PGM2: variants seen among roughly 807,000 people sequenced by gnomAD.
The protein encoded by PGM2 is phosphopentomutase.
A neutral mutation model predicts 74.6 loss-of-function variants in PGM2; 57 were observed. The ratio of observed to expected loss-of-function variants is 0.76; its 90% CI spans 0.62 to 0.95. PGM2 has a LOEUF of 0.95. Among genes scored for constraint, PGM2 ranks in the 40% least tolerant of loss-of-function variants. PGM2 has a pLI of 0.00. For missense variants in PGM2, 706 were observed against 741.9 expected (o/e 0.95, Z 0.56); for synonymous variants, 273 against 260.7 (o/e 1.05, Z -0.46).
chr4:37,848,684 AAT>A, intron 11 of PGM2, 33 bp downstream of exon 11: 2 of 1,498,344 alleles, frequency 1.3e-6, no homozygotes, highest in Non-Finnish European at 1.8e-6. Flanking sequence ...GGATTGAAAT[AAT>A]ATTTTGAAAT....
chr4:37,854,146 G>T (rs1008061634), intron 12 of PGM2, among the ~76,000 whole-genome samples: 1 of 152,050 alleles, frequency 6.6e-6, no homozygotes, highest in Non-Finnish European at 1.5e-5. Context: ...TCTGACTTGT[G>T]CGATCGGTTG....
At chr4:37,847,955 A>C (rs1410629867) in intron 10 of PGM2, among the ~76,000 whole-genome samples, 1 of 152,272 alleles carries the variant, frequency 6.6e-6, no homozygotes, top group Non-Finnish European at 1.5e-5. Context: ...TAACTAATCA[A>C]AGCATAATCG....
At chr4:37,859,437 A>C (rs1322118164) in intron 13 of PGM2, among the ~76,000 whole-genome samples, 3 of 152,186 alleles carry the variant, frequency 2.0e-5, no homozygotes, top group Admixed American at 6.6e-5. Flanking sequence ...CAGGCTGTCC[A>C]GAAAGGGAGC....
At chr4:37,832,045 C>G (rs1725455792) in intron 2 of PGM2, among the ~76,000 whole-genome samples, 1 of 152,166 alleles carries the variant, frequency 6.6e-6, no homozygotes, top group African/African-American at 2.4e-5. Flanking sequence ...CTATCTTACC[C>G]ATTTTTATCC....
chr4:37,841,006 A>G (rs991390779), intron 6 of PGM2, among the ~76,000 whole-genome samples: 7 of 145,290 alleles, frequency 4.8e-5, no homozygotes, highest in Admixed American at 3.6e-4. Context: ...AACTTGCTCA[A>G]AAGTCTTGAA....
intron 12 of PGM2, among the ~76,000 whole-genome samples, chr4:37,854,805 A>G (rs556138849): frequency 1.3e-5 from 2 of 152,148 alleles, no homozygotes; most frequent in South Asian, 4.1e-4. Context: ...TTGTGAAATG[A>G]TGTGTTTAAA....
chr4:37,839,444 A>G (rs1333614598), intron 4 of PGM2: 17 of 402,896 alleles, frequency 4.2e-5, no homozygotes, highest in Non-Finnish European at 9.8e-6. Flanking sequence ...GTTTTCCTTA[A>G]AAGCAAATGA....
intron 13 of PGM2, among the ~76,000 whole-genome samples, chr4:37,860,932 T>G (rs1273971878): frequency 1.3e-5 from 2 of 152,166 alleles, no homozygotes; most frequent in Admixed American, 1.3e-4. Flanking sequence ...AGAAATAGAT[T>G]CATTATGATA....
chr4:37,861,882 A>C lies in PGM2; in HGVS notation c.*270A>C, dbSNP rs149601144. 1.3e-3 allele frequency: 416 copies of C among 322,112 alleles called. 1 individual carries two copies. The highest frequency in any genetic ancestry group is 2.1e-3 in the Non-Finnish European group (350 of 168,524). The allele number at this position is 322,112 out of a possible 1,614,324, so 20.0% of individuals were successfully genotyped here. ...AGATTTTTAAACTGACTAACTTAAAAAAATAGATTGTAATTGATGTGCCTT... is the reference window on the plus strand; with the variant it reads ...AGATTTTTAAACTGACTAACTTAAACAAATAGATTGTAATTGATGTGCCTT... On this transcript the variant is annotated 3_prime_UTR_variant, in exon 14 of 14. Coordinates refer to ENST00000381967, the MANE Select transcript of PGM2 (RefSeq NM_018290.4).
At chr4:37,842,510 A>G (rs897858650) in intron 6 of PGM2, among the ~76,000 whole-genome samples, 3 of 151,406 alleles carry the variant, frequency 2.0e-5, no homozygotes, top group Non-Finnish European at 4.4e-5. Context: ...TTTTTTCTAA[A>G]AGGTTTGCAG....
chr4:37,827,176 A>T (rs975363896), intron 1 of PGM2, among the ~76,000 whole-genome samples: 2 of 152,224 alleles, frequency 1.3e-5, no homozygotes, highest in African/African-American at 4.8e-5. Flanking sequence ...CGTCGTCGGT[A>T]GTCGGCTGTG....
rs757339483 is a variant in PGM2 at position 37,845,758 on chromosome 4, A to G, written c.1007+28A>G. ...AAAATTAATTGTGATTACCTATATT[A>G]TAGAACATATAAAGGATGATCTCTT... On this transcript the variant is annotated intron_variant, in intron 8 of 13. Coordinates refer to ENST00000381967, the MANE Select transcript of PGM2 (RefSeq NM_018290.4). 9 of 1,299,938 alleles carry G rather than the reference A, an allele frequency of 6.9e-6. No homozygotes were observed. The Admixed American group carries it at 1.5e-4, about 22-fold the overall frequency. The allele number at this position is 1,299,938 out of a possible 1,614,324, so 80.5% of individuals were successfully genotyped here.
At position 37,848,608 on chromosome 4, in the gene PGM2, A is replaced by C; in HGVS notation, c.1369A>C (p.Lys457Gln). 1 of 1,613,922 alleles carries C rather than the reference A, an allele frequency of 6.2e-7. No homozygotes were observed. The highest frequency in any genetic ancestry group is 8.5e-7 in the Non-Finnish European group (1 of 1,179,770). Reference protein sequence around the residue: ...SAELASFLATKNLSLSQQLKA... With the variant: ...SAELASFLATQNLSLSQQLKA... ...AGAGTTGGCTAGCTTCCTAGCAACC[A>C]AGAATTTGTCTTTGTCTCAGCAACT... The change falls in exon 11 of 14, where the codon AAG (lysine) becomes CAG (glutamine). Residue 457 changes from lysine to glutamine, a missense_variant. By Grantham distance (53) the Lys-to-Gln change is moderately conservative. Coordinates refer to ENST00000381967, the MANE Select transcript of PGM2 (RefSeq NM_018290.4).
chr4:37,844,740 G>C (rs1226695908), intron 7 of PGM2, among the ~76,000 whole-genome samples, 187 bp downstream of exon 7: 3 of 152,144 alleles, frequency 2.0e-5, no homozygotes, highest in Admixed American at 6.5e-5. Context: ...GACCAAGGCA[G>C]GCAGATCACT....
chr4:37,841,072 GTATATATATATA>G (rs36127170), intron 6 of PGM2, among the ~76,000 whole-genome samples: 17 of 113,802 alleles, frequency 1.5e-4, no homozygotes, highest in South Asian at 6.6e-4. Flanking sequence ...ATATGCAAGC[GTATATATATATA>G]TATATATATA....
intron 1 of PGM2, among the ~76,000 whole-genome samples, chr4:37,827,453 T>C (rs147065993): frequency 3.2e-4 from 48 of 152,098 alleles, no homozygotes; most frequent in African/African-American, 1.1e-3. Flanking sequence ...CTCCCTCTCC[T>C]CTCTATAAAC....
chr4:37,852,560 A>C (rs1726078208), intron 12 of PGM2, among the ~76,000 whole-genome samples: 1 of 152,200 alleles, frequency 6.6e-6, no homozygotes, highest in Non-Finnish European at 1.5e-5. Context: ...GGTGGCATTT[A>C]AGTCCGAAAA....
rs756771737 is a variant in PGM2 at position 37,861,508 on chromosome 4, A to G, written c.1737-2A>G. 2 of 1,601,232 alleles carry G rather than the reference A, an allele frequency of 1.2e-6. No homozygotes were observed. The highest frequency in any genetic ancestry group is 1.7e-6 in the Non-Finnish European group (2 of 1,168,952). ...TGGATTTTTTTCCCCCTTATTTTCC[A>G]GTGATCCTGAGCAGCTGAAGAAGGA... is the stretch of plus-strand genomic sequence containing the variant. On this transcript the variant is annotated splice_acceptor_variant, in intron 13 of 13. Transcript: ENST00000381967. LOFTEE classifies it high-confidence loss of function.
rs955080930 is a variant in PGM2 at position 37,840,062 on chromosome 4, C to A, written c.526-4C>A. 3 of 1,611,130 alleles carry A rather than the reference C, an allele frequency of 1.9e-6. No homozygotes were observed. In the African/African-American group the frequency reaches 4.0e-5, roughly 22 times the overall value. ...CCTTCTGAATGTGTTCCTGGGTCCT[C>A]TAGGTCTATTGGGATAATGGAGCTC... is the stretch of plus-strand genomic sequence containing the variant. On this transcript the variant is annotated splice_polypyrimidine_tract_variant and splice_region_variant and intron_variant, in intron 5 of 13. Transcript: ENST00000381967.
Sources: allele counts gnomAD v4.1 joint callset (sites outside exome capture counted in the v4.1 genomes callset), GRCh38; gene constraint gnomAD v4.1.1; transcripts MANE v1.5; gene names NCBI Gene and HGNC (gene_info 2026-07-23, HGNC 2026-07-21).